The following NETO1 variants were observed in gnomAD, a reference collection of about 807,000 sequenced individuals.
The protein encoded by NETO1 is neuropilin and tolloid-like protein 1.
A neutral mutation model predicts 61.3 loss-of-function variants in NETO1; 26 were observed. The ratio of observed to expected loss-of-function variants is 0.42; its 90% CI spans 0.31 to 0.59. The LOEUF is 0.59. Among genes scored for constraint, NETO1 ranks in the 20% least tolerant of loss-of-function variants. NETO1 has a pLI of 0.12. For missense variants in NETO1, 531 were observed against 662.8 expected, an observed-to-expected ratio of 0.80 and a Z score of 2.18; for synonymous variants, 225 against 225.8, an observed-to-expected ratio of 1.00 and a Z score of 0.03.
At chr18:72,761,714 A>T in intron 7 of NETO1, among the ~76,000 whole-genome samples, 1 of 148,414 alleles carries the variant, frequency 6.7e-6, no homozygotes, top group African/African-American at 2.6e-5. Context: ...AAATCTTCAC[A>T]GTAATTTAGT....
intron 4 of NETO1, among the ~76,000 whole-genome samples, chr18:72,802,637 C>T (rs752158149): frequency 3.9e-5 from 6 of 152,166 alleles, no homozygotes; most frequent in Non-Finnish European, 5.9e-5. Flanking sequence ...TCCAATCCTA[C>T]GGTTTATACT....
At chr18:72,757,008 G>A (rs2070806798) in intron 7 of NETO1, among the ~76,000 whole-genome samples, 1 of 152,036 alleles carries the variant, frequency 6.6e-6, no homozygotes, top group Non-Finnish European at 1.5e-5. Context: ...GTGGATGGTT[G>A]CTTACAGAAA....
intron 7 of NETO1, among the ~76,000 whole-genome samples, chr18:72,770,751 T>C (rs1184764598): frequency 6.6e-6 from 1 of 152,178 alleles, no homozygotes; most frequent in African/African-American, 2.4e-5. Flanking sequence ...ATATAGTGAA[T>C]AGAATGTCTT....
At chr18:72,843,542 A>T (rs989496382) in intron 4 of NETO1, among the ~76,000 whole-genome samples, 10 of 152,180 alleles carry the variant, frequency 6.6e-5, no homozygotes, top group African/African-American at 2.4e-4. Context: ...ATGAACTACT[A>T]AACCCAATAT....
intron 4 of NETO1, among the ~76,000 whole-genome samples, chr18:72,800,472 A>T (rs1486108033): frequency 6.6e-6 from 1 of 152,176 alleles, no homozygotes; most frequent in African/African-American, 2.4e-5. Context: ...TTCTGATGCC[A>T]CTATCTCCCA....
chr18:72,820,253 T>A (rs1396124101), intron 4 of NETO1, among the ~76,000 whole-genome samples: 1 of 152,200 alleles, frequency 6.6e-6, no homozygotes, highest in Non-Finnish European at 1.5e-5. Context: ...AAACCAACAA[T>A]AAACGTATGC....
At chr18:72,859,269 A>C (rs1254456125) in intron 3 of NETO1, among the ~76,000 whole-genome samples, 195 bp from the exon 4 acceptor site, 2 of 152,218 alleles carry the variant, frequency 1.3e-5, no homozygotes, top group African/African-American at 4.8e-5. Flanking sequence ...AGTGAAACTT[A>C]AAACCGATGA....
In NETO1 at chr18:72,771,853, A is replaced by C. The variant is rs538916782; in HGVS notation, c.868+11825T>G. Among the ~76,000 whole-genome samples the C allele has an allele frequency of 4.6e-5, 7 of 152,226 alleles. No homozygotes were observed. The South Asian group carries it at 1.5e-3, about 32-fold the overall frequency. ...CATTATTTTCTACTGCTGAGTCACA[A>C]ATTATCACAAATTTACCCACCAGCT... On this transcript the variant is annotated intron_variant, in intron 7 of 10. Coordinates refer to ENST00000327305, the MANE Select transcript of NETO1 (RefSeq NM_138966.5).
intron 4 of NETO1, among the ~76,000 whole-genome samples, chr18:72,852,008 G>A (rs550110360): frequency 6.6e-6 from 1 of 152,116 alleles, no homozygotes; most frequent in African/African-American, 2.4e-5. Context: ...TAAATTCCAA[G>A]GTCTTTTCTA....
chr18:72,842,798 G>GTCATAGGTATAGCACACC, intron 4 of NETO1, among the ~76,000 whole-genome samples: 1 of 152,086 alleles, frequency 6.6e-6, no homozygotes, highest in Non-Finnish European at 1.5e-5. Flanking sequence ...GCAATAATAC[G>GTCATAGGTATAGCACACC]TCATAGGTAT....
At chr18:72,834,589 C>G (rs1490947094) in intron 4 of NETO1, 2 of 981,894 alleles carry the variant, frequency 2.0e-6, no homozygotes, top group African/African-American at 3.5e-5. Context: ...CACTATTACT[C>G]AGATCAAAGT....
intron 4 of NETO1, among the ~76,000 whole-genome samples, chr18:72,814,875 T>C (rs2072981744): frequency 6.6e-6 from 1 of 151,986 alleles, no homozygotes; most frequent in Admixed American, 6.6e-5. Context: ...AATGAAATAT[T>C]TCCAGGATTC....
intron 6 of NETO1, among the ~76,000 whole-genome samples, chr18:72,791,803 T>A (rs999394414): frequency 6.6e-6 from 1 of 152,186 alleles, no homozygotes; most frequent in African/African-American, 2.4e-5. Flanking sequence ...AAATAGCCCT[T>A]GCATGTGAAT....
chr18:72,811,320 C>T (rs751391440), intron 4 of NETO1, among the ~76,000 whole-genome samples: 3 of 152,174 alleles, frequency 2.0e-5, no homozygotes, highest in African/African-American at 7.2e-5. Flanking sequence ...ATTGTCTTTA[C>T]GGTTCCATTT....
chr18:72,767,665 CT>C (rs1464321027), intron 7 of NETO1, among the ~76,000 whole-genome samples: 1 of 151,712 alleles, frequency 6.6e-6, no homozygotes, highest in Non-Finnish European at 1.5e-5. Context: ...TATTAGAATA[CT>C]TTTGACAGTT....
At chr18:72,771,920 G>A (rs2071364226) in intron 7 of NETO1, among the ~76,000 whole-genome samples, 1 of 150,928 alleles carries the variant, frequency 6.6e-6, no homozygotes, top group Non-Finnish European at 1.5e-5. Context: ...CTGTATGTCA[G>A]AAGTCCAGGC....
chr18:72,863,508 G>C (rs1472632471), intron 3 of NETO1, among the ~76,000 whole-genome samples: 2 of 152,148 alleles, frequency 1.3e-5, no homozygotes, highest in Non-Finnish European at 2.9e-5. Context: ...AGTTGTAAAA[G>C]GAATTTGCAC....
At chr18:72,826,937 G>T (rs7235679) in intron 4 of NETO1, among the ~76,000 whole-genome samples, 73,421 of 151,860 alleles carry the variant, frequency 0.48, 18,087 homozygotes, top group Admixed American at 0.51. Context: ...GGCTGGAACA[G>T]TGCCCGCGCT....
At position 72,835,291 on chromosome 18, in the gene NETO1, A is replaced by T. The variant is rs372227346; in HGVS notation, c.469+23535T>A. The T allele has an allele frequency of 1.9e-6, 3 of 1,590,688 alleles. No homozygotes were observed. The African/African-American group carries it at 4.0e-5, about 21-fold the overall frequency. On this transcript the variant is annotated intron_variant, in intron 4 of 10. Coordinates refer to ENST00000327305, the MANE Select transcript of NETO1 (RefSeq NM_138966.5). ...AAGGAGAGATCACGAAACACTCTGT[A>T]GATCCTGCTAAGGAGTTTGCCTTTT...
Sources: gnomAD v4.1 joint callset for allele counts (sites outside exome capture counted in the v4.1 genomes callset) on GRCh38, gnomAD v4.1.1 for gene constraint, MANE v1.5 for transcripts, NCBI Gene and HGNC (gene_info 2026-07-23, HGNC 2026-07-21) for gene names.